The following MROH2A variants were observed in gnomAD, a reference collection of about 807,000 sequenced individuals.
MROH2A encodes the protein maestro heat-like repeat-containing protein family member 2A.
In MROH2A, 174 loss-of-function variants were observed where a neutral mutation model predicts 200.4. The ratio of observed to expected loss-of-function variants is 0.87; its 90% CI spans 0.77 to 0.98. The LOEUF is 0.98. Among genes scored for constraint, MROH2A ranks in the 50% least tolerant of loss-of-function variants. The pLI is 0.00. For synonymous variants in MROH2A, 829 were observed against 840.4 expected (o/e 0.99, Z 0.23); for missense variants, 2,045 against 2,139.6 (o/e 0.96, Z 0.87).
chr2:233,777,798 G>C (rs1394247083), upstream of MROH2A, among the ~76,000 whole-genome samples: 3 of 152,174 alleles, frequency 2.0e-5, no homozygotes, highest in Non-Finnish European at 4.4e-5. Flanking sequence ...TTGTACCTAT[G>C]ATCTGGATCA....
In MROH2A at chr2:233,802,256, C is replaced by T. The variant is rs1217274283; in HGVS notation, c.1649C>T (p.Ala550Val). 1 of 1,550,542 alleles carries T rather than the reference C, an allele frequency of 6.4e-7. No individual in the cohort carries two copies. The highest frequency in any genetic ancestry group is 2.4e-5 in the East Asian group (1 of 40,892). ...TPICISLTNLAEHQLHGQDVD... is the reference protein window; with the variant it reads ...TPICISLTNLVEHQLHGQDVD... ...ATCTGTATCAGCCTCACAAACCTGG[C>T]AGAACACCAGCTCCATGGCCAGGAT... Residue 550 changes from alanine (A) to valine (V), a missense_variant, in exon 15 of 42, where the codon GCA (alanine) becomes GTA (valine). By Grantham distance (64) the Ala-to-Val change is moderately conservative. Transcript: ENST00000389758.
At chr2:233,813,810 G>C (rs962571068) in intron 25 of MROH2A, 32 bp downstream of exon 25, 3 of 1,283,862 alleles carry the variant, frequency 2.3e-6, no homozygotes, top group Non-Finnish European at 3.3e-6. Flanking sequence ...CATTTGCTGG[G>C]TCAGGACCTG....
Position 233,802,157 on chromosome 2 carries a change from C to G in MROH2A, c.1561-11C>G, listed in dbSNP as rs1278356301. On this transcript the variant is annotated splice_polypyrimidine_tract_variant and intron_variant, in intron 14 of 41. Transcript: ENST00000389758. ...AATTCTGAGCCCCTTTCTCTCCCAC[C>G]CCTACCCCAGGAGTTTTGGGTGAGG... The G allele has an allele frequency of 6.5e-7, 1 of 1,547,242 alleles. No homozygotes were observed. Among genetic ancestry groups the G allele is most frequent in the East Asian group, 2.4e-5 (1 of 40,844 alleles).
At chr2:233,803,100 T>A (rs1379069155) in intron 15 of MROH2A, among the ~76,000 whole-genome samples, 1 of 152,186 alleles carries the variant, frequency 6.6e-6, no homozygotes, top group East Asian at 1.9e-4. Flanking sequence ...GTGGGTAGAA[T>A]GGCAGTGTCT....
At position 233,819,180 on chromosome 2, in the gene MROH2A, CAGG is replaced by C. The variant is rs1327589161; in HGVS notation, c.3205-130_3205-128del. On this transcript the variant is annotated intron_variant, in intron 29 of 41. Coordinates refer to ENST00000389758, the MANE Select transcript of MROH2A (RefSeq NM_001394639.1). ...GAGACCAGCCCCTTCTGGCTCAGCC[CAGG>C]AGGAGGCCATGGCCATGGTCTGAGA... The C allele has an allele frequency of 9.8e-6, 9 of 916,202 alleles. No individual in the cohort carries two copies. The Admixed American group carries it at 2.6e-4, about 26-fold the overall frequency. 56.8% of individuals were successfully genotyped at this position (916,202 alleles called of 1,614,324 possible).
chr2:233,809,228 G>C lies in MROH2A; in HGVS notation c.2398G>C (p.Asp800His). 6.4e-7 allele frequency: 1 copy of C among 1,550,556 alleles called. No homozygotes were observed. The highest frequency in any genetic ancestry group is 1.4e-5 in the African/African-American group (1 of 73,152). ...CHPQLLLNLV[D>H]SPITAKIIHH... ...CCCCCAGTTGCTCCTCAACCTCGTG[G>C]ACAGCCCCATCACCGCTAAGATCAT... Residue 800 changes from aspartate to histidine, a missense_variant, in exon 22 of 42, where the codon GAC (aspartate) becomes CAC (histidine). By Grantham distance (81) the Asp-to-His change is moderately conservative. This residue lies in a region of MROH2A where 1,201 missense variants were observed against 1,311.3 expected (regional missense o/e 0.92). Coordinates refer to ENST00000389758, the MANE Select transcript of MROH2A (RefSeq NM_001394639.1).
At chr2:233,779,880 G>GTGTGCAT (rs1388812274) in intron 3 of MROH2A, 28 bp downstream of exon 3, 3 of 1,530,100 alleles carry the variant, frequency 2.0e-6, no homozygotes, top group Middle Eastern at 4.3e-4. Context: ...ACTGGGCTCA[G>GTGTGCAT]CCACCTTTAG....
intron 13 of MROH2A, 108 bp from the exon 14 acceptor site, chr2:233,800,097 G>C: frequency 3.7e-6 from 4 of 1,069,800 alleles, no homozygotes; most frequent in Non-Finnish European, 4.1e-6. Flanking sequence ...GCATTCTGTA[G>C]ACTCAGTATC....
Position 233,822,912 on chromosome 2 carries a change from A to G in MROH2A, c.3898A>G (p.Lys1300Glu). Residue 1300 changes from lysine to glutamate, a missense_variant, in exon 34 of 42, where the codon AAG becomes GAG. Around this residue, in one of 3 missense-constraint regions of MROH2A, gnomAD observed 1,201 missense variants for 1,311.3 expected, o/e 0.92. Coordinates refer to ENST00000389758, the MANE Select transcript of MROH2A (RefSeq NM_001394639.1). ...TATCAAGTCCATGCAGCTCTTGTTC[A>G]AGAGAGTCAAGAGCCAGCACCTGGC... is the stretch of plus-strand genomic sequence containing the variant. ...VTIKSMQLLF[K>E]RVKSQHLAHT... is the part of the protein sequence containing the mutation. 6.4e-7 allele frequency: 1 copy of G among 1,550,606 alleles called. No homozygotes were observed. Among genetic ancestry groups the G allele is most frequent in the African/African-American group, 1.4e-5 (1 of 73,176 alleles).
chr2:233,812,529 T>C (rs796663716), intron 24 of MROH2A, among the ~76,000 whole-genome samples: 26 of 152,320 alleles, frequency 1.7e-4, no homozygotes, highest in African/African-American at 6.3e-4. Context: ...GAACTATCTG[T>C]TACTTTAAGC....
At chr2:233,796,427 G>A in intron 11 of MROH2A, 114 bp downstream of exon 11, 1 of 686,934 alleles carries the variant, frequency 1.5e-6, no homozygotes. Flanking sequence ...GACACTACTG[G>A]GTGGGCCAAG....
At chr2:233,785,056 G>T (rs1400349610) in intron 3 of MROH2A, among the ~76,000 whole-genome samples, 1 of 151,914 alleles carries the variant, frequency 6.6e-6, no homozygotes, top group Non-Finnish European at 1.5e-5. Context: ...TGAGGCAAGA[G>T]AATTGCTTGA....
chr2:233,799,315 C>T (rs1161075752), intron 12 of MROH2A, among the ~76,000 whole-genome samples: 1 of 152,124 alleles, frequency 6.6e-6, no homozygotes, highest in Non-Finnish European at 1.5e-5. Flanking sequence ...GAGGGGTCTG[C>T]ACAGCAGTTT....
At chr2:233,793,566 G>C (rs6738710) in intron 6 of MROH2A, 107 bp from the exon 7 acceptor site, 353,035 of 1,100,732 alleles carry the variant, frequency 0.32, 59,281 homozygotes, top group Middle Eastern at 0.39. Context: ...CAGCCTGCTC[G>C]CTACGGCAAG....
At position 233,822,247 on chromosome 2, in the gene MROH2A, T is replaced by A; in HGVS notation, c.3636T>A (p.Ala1212=). ...CCAGAATCAGTGCCACCTCCAAGGCTGACATCTGGCGCCTGGCTGCGGTGG... is the reference window on the plus strand; with the variant it reads ...CCAGAATCAGTGCCACCTCCAAGGCAGACATCTGGCGCCTGGCTGCGGTGG... The part of the protein sequence containing the change: ...LSPRISATSK[A]DIWRLAAVDP... The change falls in exon 32 of 42, where the codon GCT becomes GCA. Residue 1212 remains alanine (A), a synonymous_variant. Transcript: ENST00000389758. The A allele has an allele frequency of 6.5e-7, 1 of 1,547,868 alleles. No individual in the cohort carries two copies.
At chr2:233,782,774 G>T (rs1316472523) in intron 3 of MROH2A, among the ~76,000 whole-genome samples, 1 of 152,110 alleles carries the variant, frequency 6.6e-6, no homozygotes, top group East Asian at 1.9e-4. Context: ...GTAAAAGTGG[G>T]CATTTTTATC....
At chr2:233,782,491 T>G (rs1700996460) in intron 3 of MROH2A, among the ~76,000 whole-genome samples, 2 of 152,230 alleles carry the variant, frequency 1.3e-5, no homozygotes, top group African/African-American at 4.8e-5. Flanking sequence ...GGTTTCTTTT[T>G]CAAAATGGGT....
In MROH2A at chr2:233,807,548, G is replaced by A. The variant is rs1423739536; in HGVS notation, c.2172+6G>A. The A allele has an allele frequency of 1.9e-6, 3 of 1,550,348 alleles. No homozygotes were observed. Among genetic ancestry groups the A allele is most frequent in the Non-Finnish European group, 8.7e-7 (1 of 1,146,932 alleles). ...GCAATGACTTTGACAGCGAGGTGAG[G>A]GTGCCTGCAGCCTCCTCCTGTCCAC... On this transcript the variant is annotated splice_donor_region_variant and intron_variant, in intron 20 of 41. Transcript: ENST00000389758. This position sits in a 1 kb window ranked among gnomAD's most constrained non-coding sequence, Gnocchi z 4.3.
intron 6 of MROH2A, among the ~76,000 whole-genome samples, 170 bp from the exon 7 acceptor site, chr2:233,793,503 C>T (rs955483126): frequency 6.6e-6 from 1 of 152,286 alleles, no homozygotes; most frequent in Admixed American, 6.5e-5. Flanking sequence ...CTCACACACA[C>T]AGGCACGCAG....
Sources: gnomAD v4.1 joint callset for allele counts (sites outside exome capture counted in the v4.1 genomes callset) on GRCh38, gnomAD v4.1.1 for gene constraint, gnomAD v4.1.1 regional missense constraint, Gnocchi (gnomAD v3.1) non-coding constraint, MANE v1.5 for transcripts, NCBI Gene and HGNC (gene_info 2026-07-23, HGNC 2026-07-21) for gene names.